The following NRF1 variants were observed in gnomAD, a reference collection of about 807,000 sequenced individuals.
The protein encoded by NRF1 is nuclear respiratory factor 1.
Under a neutral mutation model 58.5 loss-of-function variants are expected in NRF1, and 5 were observed. The ratio of observed to expected loss-of-function variants is 0.09; its 90% CI spans 0.04 to 0.18. The LOEUF (loss-of-function observed/expected upper bound fraction) is 0.18, where lower values mean the gene tolerates loss of function less well. Ranked by LOEUF, NRF1 falls within the 10% of genes least tolerant of loss-of-function variation. The pLI is 1.00. For missense variants in NRF1, 288 were observed against 657.7 expected (o/e 0.44, Z 6.15); for synonymous variants, 224 against 246.7 (o/e 0.91, Z 0.86).
chr7:129,630,887 C>T (rs1400937791), intron 1 of NRF1, among the ~76,000 whole-genome samples: 1 of 151,920 alleles, frequency 6.6e-6, no homozygotes, highest in Non-Finnish European at 1.5e-5. Flanking sequence ...ATATTTAAAC[C>T]AGTTTTATGT....
chr7:129,637,499 GAAAT>G (rs773243085), intron 1 of NRF1, among the ~76,000 whole-genome samples: 23 of 152,276 alleles, frequency 1.5e-4, no homozygotes, highest in South Asian at 1.2e-3. Context: ...TTTGAAGGGA[GAAAT>G]AAATCTATAA....
At chr7:129,645,762 G>A (rs1045466655) in intron 1 of NRF1, among the ~76,000 whole-genome samples, 3 of 152,136 alleles carry the variant, frequency 2.0e-5, no homozygotes, top group Non-Finnish European at 4.4e-5. Flanking sequence ...ACAAACATAA[G>A]TTTGTGTTGA....
At chr7:129,616,968 T>G (rs1438755236) in intron 1 of NRF1, among the ~76,000 whole-genome samples, 1 of 152,210 alleles carries the variant, frequency 6.6e-6, no homozygotes, top group East Asian at 1.9e-4. Context: ...AAAAAAGTTG[T>G]AAGAGCTACT....
intron 1 of NRF1, among the ~76,000 whole-genome samples, chr7:129,633,087 T>C (rs1254008508): frequency 2.6e-5 from 4 of 152,182 alleles, no homozygotes; most frequent in Admixed American, 1.3e-4. Context: ...ATATCAGACA[T>C]ACTTGGTAAA....
chr7:129,617,432 A>G (rs1398497368), intron 1 of NRF1, among the ~76,000 whole-genome samples: 35 of 152,176 alleles, frequency 2.3e-4, no homozygotes, highest in Non-Finnish European at 1.2e-4. Context: ...GGAGTTGGGG[A>G]CTAGGGGACC....
At chr7:129,668,058 C>T (rs1801961896) in intron 2 of NRF1, among the ~76,000 whole-genome samples, 1 of 152,104 alleles carries the variant, frequency 6.6e-6, no homozygotes, top group African/African-American at 2.4e-5. Context: ...TTTTGTTTTT[C>T]ATTGTTTTAT....
At chr7:129,748,274 CAAAAAAAAAAAAA>C (rs10655886) in intron 10 of NRF1, among the ~76,000 whole-genome samples, 1 of 78,080 alleles carries the variant, frequency 1.3e-5, no homozygotes, top group African/African-American at 5.3e-5. Flanking sequence ...GACTCCGTCT[CAAAAAAAAAAAAA>C]AAAAAAAAAG....
intron 10 of NRF1, among the ~76,000 whole-genome samples, chr7:129,740,699 T>C (rs1185034722): frequency 6.6e-6 from 1 of 152,198 alleles, no homozygotes; most frequent in Non-Finnish European, 1.5e-5. Flanking sequence ...TGAGAGTATC[T>C]CCTGTCCCTC....
intron 2 of NRF1, 98 bp downstream of exon 2, chr7:129,657,672 C>T (rs201591752): frequency 1.6e-5 from 12 of 747,712 alleles, no homozygotes; most frequent in East Asian, 1.1e-4. Context: ...TGCAGCAGCA[C>T]AATCATGATT....
At chr7:129,752,405 A>G (rs1804140682) in intron 10 of NRF1, among the ~76,000 whole-genome samples, 1 of 152,184 alleles carries the variant, frequency 6.6e-6, no homozygotes, top group Non-Finnish European at 1.5e-5. Context: ...CACCTGTGAG[A>G]GAGTGAGGGA....
Position 129,671,558 on chromosome 7 carries a change from A to G in NRF1, c.338+15A>G, listed in dbSNP as rs1391152248. Reference sequence around the variant, plus strand: ...CGTTTGCTTCGGTGAGGGCTCCCTTATCCATATTGTTACTATTCCTCAAAT... The same window carrying G: ...CGTTTGCTTCGGTGAGGGCTCCCTTGTCCATATTGTTACTATTCCTCAAAT... On this transcript the variant is annotated intron_variant, in intron 3 of 10. Transcript: ENST00000393232. 2.0e-5 allele frequency: 27 copies of G among 1,338,982 alleles called. No individual in the cohort carries two copies. The South Asian group carries it at 2.3e-4, about 12-fold the overall frequency. The allele number at this position is 1,338,982 out of a possible 1,614,324, so 82.9% of individuals were successfully genotyped here.
At chr7:129,672,213 T>TTC (rs1802063973) in intron 3 of NRF1, among the ~76,000 whole-genome samples, 1 of 150,020 alleles carries the variant, frequency 6.7e-6, no homozygotes, top group Non-Finnish European at 1.5e-5. Context: ...TTTTTTTTTT[T>TTC]TTTTTTTGAT....
intron 1 of NRF1, among the ~76,000 whole-genome samples, chr7:129,632,713 A>G (rs1264307705): frequency 1.3e-5 from 2 of 152,122 alleles, no homozygotes; most frequent in Admixed American, 6.6e-5. Flanking sequence ...TAAGCTTTGT[A>G]TAAGAGGTTA....
At chr7:129,674,037 A>C (rs1197121510) in intron 3 of NRF1, among the ~76,000 whole-genome samples, 3 of 151,970 alleles carry the variant, frequency 2.0e-5, no homozygotes, top group Non-Finnish European at 4.4e-5. Context: ...GCTAGTCGGG[A>C]GGCTGAGGCA....
chr7:129,616,808 G>A (rs938128584), intron 1 of NRF1, among the ~76,000 whole-genome samples: 3 of 152,162 alleles, frequency 2.0e-5, no homozygotes, highest in African/African-American at 2.4e-5. Context: ...ATAATTTCTT[G>A]AGGAAGCCGT....
chr7:129,654,618 C>T (rs1018845110), intron 1 of NRF1, among the ~76,000 whole-genome samples: 52 of 152,054 alleles, frequency 3.4e-4, no homozygotes, highest in Non-Finnish European at 5.9e-5. Flanking sequence ...GTTTATGATC[C>T]ATTTTGTATC....
intron 3 of NRF1, 65 bp from the exon 4 acceptor site, chr7:129,677,567 T>C: frequency 6.8e-7 from 1 of 1,462,688 alleles, no homozygotes; most frequent in African/African-American, 1.4e-5. Flanking sequence ...ACCTCATTTG[T>C]GTCTATGTCA....
chr7:129,694,832 G>A (rs1802651105), intron 5 of NRF1, among the ~76,000 whole-genome samples: 1 of 152,196 alleles, frequency 6.6e-6, no homozygotes, highest in African/African-American at 2.4e-5. Context: ...TAGATGGCAG[G>A]TTGGCAATGC....
At chr7:129,678,736 T>G (rs1434459763) in intron 4 of NRF1, among the ~76,000 whole-genome samples, 1 of 152,150 alleles carries the variant, frequency 6.6e-6, no homozygotes, top group Non-Finnish European at 1.5e-5. Context: ...CTTCTCTTCT[T>G]TAGTACTGAA....
Sources: allele counts gnomAD v4.1 joint callset (sites outside exome capture counted in the v4.1 genomes callset), GRCh38; gene constraint gnomAD v4.1.1; transcripts MANE v1.5; gene names NCBI Gene and HGNC (gene_info 2026-07-23, HGNC 2026-07-21).